The following TGFB2 variants were observed in gnomAD, a reference collection of about 807,000 sequenced individuals.
TGFB2 encodes transforming growth factor beta-2 proprotein.
In TGFB2, 13 loss-of-function variants were observed where a neutral mutation model predicts 42.7. The observed-to-expected ratio is 0.30, with a 90% CI of 0.20 to 0.48. The LOEUF is 0.48. Among genes scored for constraint, TGFB2 ranks in the 20% least tolerant of loss-of-function variants. The pLI is 0.99. For synonymous variants in TGFB2, 193 were observed against 193.6 expected, an observed-to-expected ratio of 1.00 and a Z score of 0.03; for missense variants, 390 against 517.5, an observed-to-expected ratio of 0.75 and a Z score of 2.39.
At chr1:218,356,425 T>C (rs75353549) in intron 1 of TGFB2, among the ~76,000 whole-genome samples, 7,191 of 152,048 alleles carry the variant, frequency 0.047, 569 homozygotes, top group African/African-American at 0.16. Flanking sequence ...TGTCATGTTG[T>C]TCAAGCTGGT....
intron 2 of TGFB2, among the ~76,000 whole-genome samples, chr1:218,432,574 G>A (rs1292051043): frequency 1.3e-5 from 2 of 152,194 alleles, no homozygotes. Context: ...CACATGGAAG[G>A]AAAGTACATT....
chr1:218,416,448 C>G (rs1194191606), intron 2 of TGFB2, among the ~76,000 whole-genome samples: 5 of 152,146 alleles, frequency 3.3e-5, no homozygotes, highest in South Asian at 2.1e-4. Flanking sequence ...GTGGCAGAGT[C>G]CAGCATACAT....
Position 218,441,645 on chromosome 1 carries a change from C to T in TGFB2, c.*283C>T. 1 of 258,350 alleles carries T rather than the reference C, an allele frequency of 3.9e-6. No individual in the cohort carries two copies. The highest frequency in any genetic ancestry group is 7.3e-6 in the Non-Finnish European group (1 of 136,442). 16.0% of individuals were successfully genotyped at this position (258,350 alleles called of 1,614,324 possible). A position where few individuals can be genotyped will look rare whatever the true frequency, so the allele number is the denominator to read the frequency against. On this transcript the variant is annotated 3_prime_UTR_variant, in exon 7 of 7. Transcript: ENST00000366930. Reference sequence around the variant, plus strand: ...AATTTTTTTTAAAGAAAAAAATAAACACTGGAAGAATTTATTAGTGTTAAT... The same window carrying T: ...AATTTTTTTTAAAGAAAAAAATAAATACTGGAAGAATTTATTAGTGTTAAT...
chr1:218,378,534 G>C (rs140823517), intron 1 of TGFB2, among the ~76,000 whole-genome samples: 4 of 151,986 alleles, frequency 2.6e-5, no homozygotes, highest in Non-Finnish European at 4.4e-5. Context: ...GGCTAGTCTC[G>C]AACTTCTGAC....
chr1:218,405,020 G>T, intron 1 of TGFB2, 149 bp from the exon 2 acceptor site: 11 of 795,234 alleles, frequency 1.4e-5, no homozygotes, highest in African/African-American at 6.9e-5. Context: ...TTTTTTTTCT[G>T]GTTACATTGT....
chr1:218,380,686 T>C (rs1371379483), intron 1 of TGFB2, among the ~76,000 whole-genome samples: 2 of 152,068 alleles, frequency 1.3e-5, no homozygotes, highest in African/African-American at 2.4e-5. Flanking sequence ...TTTTGCTTCA[T>C]CTGGAGATGA....
intron 1 of TGFB2, among the ~76,000 whole-genome samples, chr1:218,395,336 A>G (rs1658467790): frequency 6.6e-6 from 1 of 152,224 alleles, no homozygotes; most frequent in African/African-American, 2.4e-5. Flanking sequence ...GCCTTGCATT[A>G]AAGTTTTTCA....
intron 2 of TGFB2, among the ~76,000 whole-genome samples, chr1:218,417,484 G>A (rs1005694537): frequency 6.6e-6 from 1 of 152,172 alleles, no homozygotes; most frequent in African/African-American, 2.4e-5. Flanking sequence ...AAGGGAAACA[G>A]AAAATAAAAG....
At chr1:218,404,496 A>G (rs951750321) in intron 1 of TGFB2, among the ~76,000 whole-genome samples, 7 of 152,204 alleles carry the variant, frequency 4.6e-5, no homozygotes, top group Non-Finnish European at 7.3e-5. Flanking sequence ...ATTTGTGCCA[A>G]TTCTTTTTCT....
intron 1 of TGFB2, among the ~76,000 whole-genome samples, chr1:218,354,661 C>T (rs1656975519): frequency 6.6e-6 from 1 of 152,096 alleles, no homozygotes; most frequent in Admixed American, 6.5e-5. Context: ...TAATAGGAGC[C>T]CTAATACAGA....
Position 218,409,259 on chromosome 1 carries a change from A to T in TGFB2, c.510+3927A>T, listed in dbSNP as rs1659017981. On this transcript the variant is annotated intron_variant, in intron 2 of 6. Coordinates refer to ENST00000366930, the MANE Select transcript of TGFB2 (RefSeq NM_003238.6). Reference sequence around the variant, plus strand: ...TCCAGGTTGGGGACTTCTGCTTTAGACTAAAGATTTTTACCACTGTATCAC... The same window carrying T: ...TCCAGGTTGGGGACTTCTGCTTTAGTCTAAAGATTTTTACCACTGTATCAC... Among the ~76,000 whole-genome samples, 3 of 152,310 alleles carry T rather than the reference A, an allele frequency of 2.0e-5. No individual in the cohort carries two copies. The South Asian group carries it at 6.2e-4, about 32-fold the overall frequency.
chr1:218,434,291 G>A (rs1263640880), intron 3 of TGFB2, 47 bp from the exon 4 acceptor site: 2 of 1,612,454 alleles, frequency 1.2e-6, no homozygotes, highest in South Asian at 2.2e-5. Flanking sequence ...CAGATTTAAG[G>A]GTATAGACAC....
At chr1:218,407,449 G>A (rs988966484) in intron 2 of TGFB2, among the ~76,000 whole-genome samples, 11 of 152,092 alleles carry the variant, frequency 7.2e-5, no homozygotes, top group Non-Finnish European at 1.2e-4. Flanking sequence ...ATAGGCCCTC[G>A]AGAACCTGTT....
chr1:218,361,723 T>G (rs976962690), intron 1 of TGFB2, among the ~76,000 whole-genome samples: 1 of 152,212 alleles, frequency 6.6e-6, no homozygotes, highest in Non-Finnish European at 1.5e-5. Flanking sequence ...GAGAAAACTT[T>G]GTCTGACTTG....
chr1:218,393,865 C>T (rs1658398433), intron 1 of TGFB2, among the ~76,000 whole-genome samples: 1 of 151,792 alleles, frequency 6.6e-6, no homozygotes, highest in Non-Finnish European at 1.5e-5. Context: ...CCATACTCTT[C>T]ATGCTCATGG....
intron 2 of TGFB2, among the ~76,000 whole-genome samples, chr1:218,422,595 T>C (rs1464163579): frequency 1.3e-5 from 2 of 152,134 alleles, no homozygotes; most frequent in African/African-American, 4.8e-5. Context: ...TTTTTGGATG[T>C]TCATAGTCAT....
chr1:218,355,896 T>C (rs796460116), intron 1 of TGFB2, among the ~76,000 whole-genome samples: 3 of 152,256 alleles, frequency 2.0e-5, no homozygotes, highest in African/African-American at 7.2e-5. Context: ...ATTTTAGAAA[T>C]AATAGAATAT....
At chr1:218,398,715 G>A (rs992274617) in intron 1 of TGFB2, among the ~76,000 whole-genome samples, 3 of 152,032 alleles carry the variant, frequency 2.0e-5, no homozygotes, top group Non-Finnish European at 4.4e-5. Flanking sequence ...AGCCTCCCGA[G>A]TAGCTGGGGC....
At chr1:218,420,999 G>A (rs905244545) in intron 2 of TGFB2, among the ~76,000 whole-genome samples, 1 of 152,166 alleles carries the variant, frequency 6.6e-6, no homozygotes, top group Non-Finnish European at 1.5e-5. Flanking sequence ...GATGGCAGAA[G>A]CAAGGTAAGT....
Sources: gnomAD v4.1 joint callset for allele counts (sites outside exome capture counted in the v4.1 genomes callset) on GRCh38, gnomAD v4.1.1 for gene constraint, MANE v1.5 for transcripts, NCBI Gene and HGNC (gene_info 2026-07-23, HGNC 2026-07-21) for gene names.